Variants in SV2C observed in about 807,000 individuals in gnomAD.
SV2C encodes synaptic vesicle glycoprotein 2C.
A neutral mutation model predicts 79.7 loss-of-function variants in SV2C; 49 were observed. That is an observed-to-expected ratio of 0.61 (90% CI 0.49 to 0.78). SV2C has a LOEUF of 0.78. SV2C is among the 30% of genes least tolerant of loss of function. The pLI, the probability that SV2C is intolerant of heterozygous loss-of-function variation, is 0.00. For missense variants in SV2C, 833 were observed against 912.9 expected, an observed-to-expected ratio of 0.91 and a Z score of 1.13; for synonymous variants, 334 against 333.2, an observed-to-expected ratio of 1.00 and a Z score of -0.03.
the SV2C span, among the ~76,000 whole-genome samples, chr5:76,045,389 T>C: frequency 6.6e-6 from 1 of 152,190 alleles, no homozygotes; most frequent in African/African-American, 2.4e-5. Context: ...TTGTCTTGGC[T>C]ATATGAGCTC....
chr5:75,897,222 A>G, the SV2C span, among the ~76,000 whole-genome samples: 1 of 151,396 alleles, frequency 6.6e-6, no homozygotes, highest in Admixed American at 6.6e-5. Context: ...TAAGTCTTTA[A>G]TCCATCTTGA....
At chr5:75,892,344 G>A in the SV2C span, among the ~76,000 whole-genome samples, 1 of 151,746 alleles carries the variant, frequency 6.6e-6, no homozygotes, top group African/African-American at 2.4e-5. Context: ...TGTATCTAGG[G>A]TGTTTGCCAC....
intron 4 of SV2C, among the ~76,000 whole-genome samples, chr5:76,236,058 C>T (rs1477992556): frequency 6.6e-6 from 1 of 152,184 alleles, no homozygotes; most frequent in Non-Finnish European, 1.5e-5. Context: ...CATTTCTTCT[C>T]TAAGATAAAA....
At chr5:76,277,001 G>A (rs1297222109) in intron 4 of SV2C, among the ~76,000 whole-genome samples, 1 of 152,150 alleles carries the variant, frequency 6.6e-6, no homozygotes, top group East Asian at 1.9e-4. Flanking sequence ...AAAAGTAAAT[G>A]AAGATATCAC....
the SV2C span, among the ~76,000 whole-genome samples, chr5:76,043,018 C>T: frequency 6.6e-6 from 1 of 152,218 alleles, no homozygotes; most frequent in African/African-American, 2.4e-5. Context: ...TGAGCCCAGG[C>T]TTTAGGACTG....
chr5:76,013,206 A>G, the SV2C span, among the ~76,000 whole-genome samples: 1 of 152,060 alleles, frequency 6.6e-6, no homozygotes. Flanking sequence ...CAGTATGGCC[A>G]TTTTCATGAT....
At chr5:76,088,393 A>G (rs1399781571) in intron 1 of SV2C, among the ~76,000 whole-genome samples, 1 of 152,172 alleles carries the variant, frequency 6.6e-6, no homozygotes, top group East Asian at 1.9e-4. Flanking sequence ...TTTAGAAACA[A>G]TGGAAATTTA....
At chr5:75,900,838 T>A in the SV2C span, among the ~76,000 whole-genome samples, 1 of 152,224 alleles carries the variant, frequency 6.6e-6, no homozygotes, top group African/African-American at 2.4e-5. Context: ...ATTCATTTCA[T>A]CTTCCATCAC....
chr5:76,272,900 A>G (rs1746915163), intron 4 of SV2C, among the ~76,000 whole-genome samples: 1 of 152,064 alleles, frequency 6.6e-6, no homozygotes, highest in Non-Finnish European at 1.5e-5. Context: ...AATAGTTTAT[A>G]TATAAATACA....
At chr5:75,861,446 A>G in the SV2C span, among the ~76,000 whole-genome samples, 3 of 152,240 alleles carry the variant, frequency 2.0e-5, no homozygotes, top group Non-Finnish European at 4.4e-5. Context: ...CAGAACTACC[A>G]TTCAACTCAG....
chr5:75,954,187 A>C, the SV2C span, among the ~76,000 whole-genome samples: 139 of 152,018 alleles, frequency 9.1e-4, no homozygotes, highest in South Asian at 0.02. Flanking sequence ...TTCTCTCTAG[A>C]ATTTGAGAGA....
chr5:76,106,837 C>T (rs954639700), intron 1 of SV2C, among the ~76,000 whole-genome samples: 4 of 152,126 alleles, frequency 2.6e-5, no homozygotes, highest in African/African-American at 4.8e-5. Context: ...ATATCATCTT[C>T]GAATAAACAT....
chr5:75,907,440 G>C, the SV2C span, among the ~76,000 whole-genome samples: 12 of 152,180 alleles, frequency 7.9e-5, no homozygotes, highest in Non-Finnish European at 1.6e-4. Context: ...CTGCTACACT[G>C]TGGTAACCCT....
the SV2C span, among the ~76,000 whole-genome samples, chr5:75,973,424 G>A: frequency 6.6e-6 from 1 of 151,860 alleles, no homozygotes; most frequent in Non-Finnish European, 1.5e-5. Context: ...GAGCCAAGGA[G>A]TTCAAGGTTA....
At chr5:76,288,818 A>G (rs766046200) in intron 6 of SV2C, among the ~76,000 whole-genome samples, 24 of 151,804 alleles carry the variant, frequency 1.6e-4, no homozygotes, top group Admixed American at 2.6e-4. Context: ...TTATCTTTTT[A>G]TTTTTTAAAT....
At chr5:76,306,134 A>C (rs1489940426) in intron 12 of SV2C, among the ~76,000 whole-genome samples, 1 of 152,198 alleles carries the variant, frequency 6.6e-6, no homozygotes, top group African/African-American at 2.4e-5. Context: ...TACAGCCTCA[A>C]ACTCCTGCGC....
chr5:76,254,230 ATG>A (rs35436365), intron 4 of SV2C, among the ~76,000 whole-genome samples: 62,667 of 147,784 alleles, frequency 0.42, 13,440 homozygotes, highest in Middle Eastern at 0.51. Flanking sequence ...GTGTATATAT[ATG>A]TGTGTGTGTA....
chr5:76,263,508 GA>G (rs1319445797), intron 4 of SV2C, among the ~76,000 whole-genome samples: 2 of 152,084 alleles, frequency 1.3e-5, no homozygotes, highest in African/African-American at 4.8e-5. Flanking sequence ...CTGTCATTAT[GA>G]TGCTAGCTTG....
intron 12 of SV2C, among the ~76,000 whole-genome samples, chr5:76,339,055 C>T (rs575829429): frequency 6.6e-6 from 1 of 152,216 alleles, no homozygotes; most frequent in East Asian, 1.9e-4. Context: ...TTGCTAAGAG[C>T]ATGAGTTTGA....
Sources: gnomAD v4.1 joint callset for allele counts (sites outside exome capture counted in the v4.1 genomes callset) on GRCh38, gnomAD v4.1.1 for gene constraint, MANE v1.5 for transcripts, NCBI Gene and HGNC (gene_info 2026-07-23, HGNC 2026-07-21) for gene names.